Variants in PRKCB observed in about 807,000 individuals in gnomAD.
PRKCB encodes protein kinase C beta type.
PRKCB carries 13 observed loss-of-function variants against 81.5 expected under a neutral mutation model. The ratio of observed to expected loss-of-function variants is 0.16; its 90% CI spans 0.10 to 0.25. PRKCB has a LOEUF of 0.25. Ranked by LOEUF, PRKCB falls within the 10% of genes least tolerant of loss-of-function variation. The pLI, the probability that PRKCB is intolerant of heterozygous loss-of-function variation, is 1.00. For synonymous variants in PRKCB, 335 were observed against 321.4 expected (o/e 1.04, Z -0.45); for missense variants, 509 against 875.7 (o/e 0.58, Z 5.29).
At chr16:24,170,628 C>T (rs1257803577) in intron 10 of PRKCB, among the ~76,000 whole-genome samples, 1 of 152,142 alleles carries the variant, frequency 6.6e-6, no homozygotes, top group East Asian at 1.9e-4. Flanking sequence ...TGGTGTTGCC[C>T]AAGGGCCAAA....
intron 16 of PRKCB, among the ~76,000 whole-genome samples, chr16:24,193,322 A>G (rs1967822438): frequency 1.3e-5 from 2 of 151,898 alleles, no homozygotes; most frequent in East Asian, 2.0e-4. Flanking sequence ...GTGGGTGCCT[A>G]TAATCCCAGC....
chr16:24,086,905 T>G (rs1966317175), intron 5 of PRKCB, among the ~76,000 whole-genome samples: 1 of 152,214 alleles, frequency 6.6e-6, no homozygotes, highest in African/African-American at 2.4e-5. Flanking sequence ...CTTTAAAATT[T>G]TTTTATTCTG....
chr16:23,918,323 A>G (rs1567313667), intron 2 of PRKCB, among the ~76,000 whole-genome samples: 1 of 152,172 alleles, frequency 6.6e-6, no homozygotes, highest in Non-Finnish European at 1.5e-5. Flanking sequence ...CCTAAATTTC[A>G]GTCAACTTCA....
intron 2 of PRKCB, among the ~76,000 whole-genome samples, chr16:23,913,458 TG>T (rs1963691988): frequency 6.6e-6 from 1 of 152,158 alleles, no homozygotes; most frequent in Admixed American, 6.5e-5. Flanking sequence ...AAGCCTTCAA[TG>T]GTGCCCACTA....
intron 9 of PRKCB, among the ~76,000 whole-genome samples, chr16:24,148,411 G>A (rs530648243): frequency 9.9e-5 from 15 of 152,258 alleles, no homozygotes; most frequent in Admixed American, 2.6e-4. Flanking sequence ...GAACCTTGTC[G>A]TTCTGCATTC....
intron 2 of PRKCB, among the ~76,000 whole-genome samples, chr16:23,933,960 TCATCCATC>T (rs10580054): frequency 0.01 from 1,347 of 130,064 alleles, 16 homozygotes; most frequent in Non-Finnish European, 0.015. Context: ...TCCACCTACC[TCATCCATC>T]CATCCATCCA....
At chr16:23,975,061 G>A (rs1289840199) in intron 2 of PRKCB, among the ~76,000 whole-genome samples, 3 of 152,324 alleles carry the variant, frequency 2.0e-5, no homozygotes, top group East Asian at 1.9e-4. Context: ...CAACATTCCA[G>A]CTACCAGAGA....
At chr16:23,865,122 C>A (rs1962748641) in intron 2 of PRKCB, among the ~76,000 whole-genome samples, 1 of 152,088 alleles carries the variant, frequency 6.6e-6, no homozygotes, top group Non-Finnish European at 1.5e-5. Flanking sequence ...CACAGAAACA[C>A]AGGAGATCCT....
intron 12 of PRKCB, among the ~76,000 whole-genome samples, chr16:24,179,159 A>T (rs181666707): frequency 6.6e-6 from 1 of 152,210 alleles, no homozygotes; most frequent in Non-Finnish European, 1.5e-5. Flanking sequence ...AACAGCTTTG[A>T]TTGGCCCAGA....
intron 2 of PRKCB, among the ~76,000 whole-genome samples, chr16:23,868,789 A>G (rs762015800): frequency 3.9e-5 from 6 of 152,178 alleles, no homozygotes; most frequent in Non-Finnish European, 5.9e-5. Context: ...TGCCAAGGGT[A>G]CCCATCTCAC....
intron 16 of PRKCB, among the ~76,000 whole-genome samples, chr16:24,208,860 G>A (rs1183478816): frequency 6.6e-6 from 1 of 152,158 alleles, no homozygotes; most frequent in South Asian, 2.1e-4. Flanking sequence ...TAACAGGGAG[G>A]CTGTGATCTG....
At chr16:23,909,579 A>G (rs139488337) in intron 2 of PRKCB, among the ~76,000 whole-genome samples, 3 of 152,300 alleles carry the variant, frequency 2.0e-5, no homozygotes, top group Non-Finnish European at 4.4e-5. Flanking sequence ...AATAATGTAC[A>G]TTGTATCTAC....
chr16:23,924,771 T>C (rs1963874393), intron 2 of PRKCB, among the ~76,000 whole-genome samples: 1 of 152,086 alleles, frequency 6.6e-6, no homozygotes, highest in African/African-American at 2.4e-5. Context: ...AAAAAATGCA[T>C]ATGTTAAATA....
intron 5 of PRKCB, among the ~76,000 whole-genome samples, chr16:24,072,753 T>C (rs1011500028): frequency 2.0e-5 from 3 of 152,062 alleles, no homozygotes; most frequent in African/African-American, 7.2e-5. Flanking sequence ...AGCTAATTTT[T>C]GTATTTTTAG....
rs1246032217 is a variant in PRKCB at position 24,094,098 on chromosome 16, T to A, written c.687-65T>A. ...TCTACCTCCAGGTCTTGTCCTCTTG[T>A]ACATTTATTCTGCTTGAGAAATTAC... On this transcript the variant is annotated intron_variant, in intron 6 of 16. Coordinates refer to ENST00000643927, the MANE Select transcript of PRKCB (RefSeq NM_002738.7). 3.2e-6 allele frequency: 5 copies of A among 1,548,070 alleles called. No homozygotes were observed. In the Admixed American group the frequency reaches 7.7e-5, roughly 24 times the overall value.
chr16:23,845,399 C>T (rs1049723370), intron 2 of PRKCB, among the ~76,000 whole-genome samples: 7 of 152,078 alleles, frequency 4.6e-5, no homozygotes, highest in Admixed American at 4.6e-4. Context: ...TTCTCATTCT[C>T]ATTTTCTGAG....
rs1596575178 is a variant in PRKCB at position 24,160,265 on chromosome 16, A to G, written c.1239+5408A>G. ...TACAGGGATATTGCAAGGATTAGAT[A>G]AGATTTTATCCATGGGAATGATTAT... On this transcript the variant is annotated intron_variant, in intron 10 of 16. Coordinates refer to ENST00000643927, the MANE Select transcript of PRKCB (RefSeq NM_002738.7). 2.0e-5 allele frequency among the ~76,000 whole-genome samples: 3 copies of G among 151,486 alleles called. No individual in the cohort carries two copies. The East Asian group carries it at 5.8e-4, about 29-fold the overall frequency.
rs3837785 is a variant in PRKCB at position 24,215,639 on chromosome 16, CAAAAAAAAGA to C, written c.*843_*852del. On this transcript the variant is annotated 3_prime_UTR_variant, in exon 17 of 17. Coordinates refer to ENST00000643927, the MANE Select transcript of PRKCB (RefSeq NM_002738.7). ...TTTTGTTTCTGTTGTTGTTCAAATG[CAAAAAAAAGA>C]AAAAAAAAGAAAAAAAAAGGTGACT... The C allele has an allele frequency of 0.031, 30,231 of 961,108 alleles. 523 individuals are homozygous for C. Among genetic ancestry groups the C allele is most frequent in the African/African-American group, 0.035 (1,771 of 51,166 alleles). The allele number at this position is 961,108 out of a possible 1,614,324, so 59.5% of individuals were successfully genotyped here.
At chr16:23,868,081 T>C (rs959357593) in intron 2 of PRKCB, among the ~76,000 whole-genome samples, 1 of 152,200 alleles carries the variant, frequency 6.6e-6, no homozygotes, top group African/African-American at 2.4e-5. Flanking sequence ...GACCTCAGCC[T>C]TTTGCTGACC....
Sources: allele counts gnomAD v4.1 joint callset (sites outside exome capture counted in the v4.1 genomes callset), GRCh38; gene constraint gnomAD v4.1.1; transcripts MANE v1.5; gene names NCBI Gene and HGNC (gene_info 2026-07-23, HGNC 2026-07-21).